The following MTUS2 variants were observed in gnomAD, a reference collection of about 807,000 sequenced individuals.
The protein encoded by MTUS2 is microtubule-associated tumor suppressor candidate 2.
In MTUS2, 40 loss-of-function variants were observed where a neutral mutation model predicts 114.1. The observed-to-expected ratio is 0.35, with a 90% CI of 0.27 to 0.46. The LOEUF (loss-of-function observed/expected upper bound fraction) is 0.46. MTUS2 is among the 20% of genes least tolerant of loss of function. The pLI is 1.00. For missense variants in MTUS2, 1,679 were observed against 1,705.4 expected, an observed-to-expected ratio of 0.98 and a Z score of 0.27; for synonymous variants, 688 against 672.0, an observed-to-expected ratio of 1.02 and a Z score of -0.37.
At chr13:29,351,614 GT>G (rs1869285525) in intron 7 of MTUS2, among the ~76,000 whole-genome samples, 1 of 147,014 alleles carries the variant, frequency 6.8e-6, no homozygotes, top group Non-Finnish European at 1.5e-5. Context: ...TTTTTTGTTT[GT>G]TTTTTTGAGA....
intron 3 of MTUS2, among the ~76,000 whole-genome samples, chr13:29,032,585 A>G (rs911285894): frequency 1.3e-5 from 2 of 152,256 alleles, no homozygotes; most frequent in South Asian, 2.1e-4. Context: ...ATAATTTGCT[A>G]TAGCCAAGGA....
At chr13:29,235,773 C>T (rs1896512438) in intron 5 of MTUS2, among the ~76,000 whole-genome samples, 1 of 152,132 alleles carries the variant, frequency 6.6e-6, no homozygotes, top group African/African-American at 2.4e-5. Context: ...TTATTTTTCT[C>T]TGTACTGTTG....
intron 4 of MTUS2, among the ~76,000 whole-genome samples, chr13:29,090,445 G>A (rs1339801621): frequency 6.6e-6 from 1 of 152,162 alleles, no homozygotes; most frequent in Non-Finnish European, 1.5e-5. Flanking sequence ...GTACACTGTA[G>A]TCAGGGGGCT....
intron 2 of MTUS2, among the ~76,000 whole-genome samples, chr13:28,994,702 T>C (rs1885015561): frequency 6.6e-6 from 1 of 152,242 alleles, no homozygotes; most frequent in Non-Finnish European, 1.5e-5. Flanking sequence ...ATGTCTTCTT[T>C]TGAGAAGTGT....
chr13:29,496,142 G>A lies in MTUS2; in HGVS notation c.3580-1096G>A, dbSNP rs1882540720. On this transcript the variant is annotated intron_variant, in intron 12 of 15. Transcript: ENST00000612955. This position sits in a 1 kb window ranked among gnomAD's most constrained non-coding sequence, Gnocchi z 4.3. The stretch of plus-strand genomic sequence containing the variant: ...CTGAGAGTCATGGCCAGAGCTGAGT[G>A]GGGCAGGGTCAGTGCAGGTGCATCT... Among the ~76,000 whole-genome samples, 1 of 152,164 alleles carries A rather than the reference G, an allele frequency of 6.6e-6. No individual in the cohort carries two copies. Among genetic ancestry groups the A allele is most frequent in the Admixed American group, 6.5e-5 (1 of 15,288 alleles).
At chr13:28,921,168 C>A (rs920605210) in intron 2 of MTUS2, among the ~76,000 whole-genome samples, 36 of 152,190 alleles carry the variant, frequency 2.4e-4, no homozygotes, top group African/African-American at 8.2e-4. Flanking sequence ...CACCTGAAGC[C>A]AGCACATCTC....
Position 29,089,400 on chromosome 13 carries a change from T to C in MTUS2, c.2447-11373T>C, listed in dbSNP as rs145677772. On this transcript the variant is annotated intron_variant, in intron 4 of 15. Transcript: ENST00000612955. ...TAACTTTAAGGTCTTTTCTTTCATATTGACCTTGGAGAATCTGATGACTAT... is the reference window on the plus strand; with the variant it reads ...TAACTTTAAGGTCTTTTCTTTCATACTGACCTTGGAGAATCTGATGACTAT... 5.2e-3 allele frequency among the ~76,000 whole-genome samples: 797 copies of C among 152,338 alleles called. 7 individuals carry two copies. The highest frequency in any genetic ancestry group is 0.018 in the African/African-American group (749 of 41,580).
At chr13:28,948,272 C>T (rs1167817516) in intron 2 of MTUS2, among the ~76,000 whole-genome samples, 3 of 151,880 alleles carry the variant, frequency 2.0e-5, no homozygotes, top group Admixed American at 6.6e-5. Flanking sequence ...CTCAGGTGGT[C>T]GATAAATGTG....
Position 29,359,452 on chromosome 13 carries a change from C to G in MTUS2, c.3096C>G (p.Ala1032=), listed in dbSNP as rs1240710057. 1.9e-6 allele frequency: 3 copies of G among 1,611,376 alleles called. No homozygotes were observed. In the African/African-American group the frequency reaches 4.0e-5, roughly 22 times the overall value. Residue 1032 remains alanine, a synonymous_variant, in exon 8 of 16, where the codon GCC becomes GCG. Coordinates refer to ENST00000612955, the MANE Select transcript of MTUS2 (RefSeq NM_001033602.4). ...AICGFDALAV[A]TQHFFRKNES... is the part of the protein sequence containing the mutation. The stretch of plus-strand genomic sequence containing the variant: ...GCGGCTTTGATGCCCTCGCCGTGGC[C>G]ACGCAGCATTTCTTTAGAAAGGTGA...
chr13:28,887,857 C>T (rs1293921212), intron 2 of MTUS2, among the ~76,000 whole-genome samples: 1 of 152,218 alleles, frequency 6.6e-6, no homozygotes, highest in East Asian at 1.9e-4. Context: ...TTCATGACAT[C>T]TAGACTGCCT....
chr13:28,903,219 A>G (rs1359108877), intron 2 of MTUS2, among the ~76,000 whole-genome samples: 1 of 151,850 alleles, frequency 6.6e-6, no homozygotes, highest in Admixed American at 6.6e-5. Context: ...GTTTTGCTGG[A>G]TAAATAATTT....
chr13:29,128,751 T>TA (rs919822518), intron 5 of MTUS2, among the ~76,000 whole-genome samples: 1 of 151,966 alleles, frequency 6.6e-6, no homozygotes, highest in Admixed American at 6.6e-5. Context: ...AATTCAAACA[T>TA]AAAAAAAATG....
At chr13:29,156,079 A>G (rs1316527562) in intron 5 of MTUS2, among the ~76,000 whole-genome samples, 1 of 152,144 alleles carries the variant, frequency 6.6e-6, no homozygotes, top group Non-Finnish European at 1.5e-5. Context: ...TGAGTAAAGC[A>G]TTAATGACTT....
chr13:29,179,680 T>C (rs1893918765), intron 5 of MTUS2, among the ~76,000 whole-genome samples: 1 of 152,230 alleles, frequency 6.6e-6, no homozygotes, highest in Non-Finnish European at 1.5e-5. Flanking sequence ...ATTTTTATTT[T>C]TATTTGAAAA....
intron 5 of MTUS2, among the ~76,000 whole-genome samples, chr13:29,156,960 T>C (rs1427464951): frequency 6.6e-6 from 1 of 152,168 alleles, no homozygotes; most frequent in Non-Finnish European, 1.5e-5. Flanking sequence ...ATATATAGTA[T>C]TGTCTTTAGA....
At chr13:29,006,718 G>A (rs1307622189) in intron 2 of MTUS2, among the ~76,000 whole-genome samples, 3 of 152,156 alleles carry the variant, frequency 2.0e-5, no homozygotes, top group African/African-American at 7.2e-5. Flanking sequence ...ATGACAGGAG[G>A]GCTGTGTCTT....
intron 5 of MTUS2, among the ~76,000 whole-genome samples, chr13:29,158,871 G>A (rs373338441): frequency 2.6e-5 from 4 of 152,114 alleles, no homozygotes; most frequent in African/African-American, 4.8e-5. Context: ...TCTGGTCTTC[G>A]GAATGTCCAG....
Position 28,852,662 on chromosome 13 carries a change from C to T in MTUS2, c.-243+12812C>T, listed in dbSNP as rs138468062. Among the ~76,000 whole-genome samples the T allele has an allele frequency of 2.1e-3, 325 of 152,142 alleles. 1 individual carries two copies. The highest frequency in any genetic ancestry group is 7.5e-3 in the African/African-American group (310 of 41,512). ...GGTGGATCACCTGAAGTCAGGAGTT[C>T]GAGATCAGCCTGGGCAACATAGTGA... On this transcript the variant is annotated intron_variant, in intron 2 of 15. Coordinates refer to ENST00000612955, the MANE Select transcript of MTUS2 (RefSeq NM_001033602.4).
In MTUS2 at chr13:29,204,114, C is replaced by T. The variant is rs995906671; in HGVS notation, c.2645-77590C>T. ...AGCTGGGACTACAGGTGCCCGCCAC[C>T]ACGCCTGGCTACTTTTTGTATTTTT... On this transcript the variant is annotated intron_variant, in intron 5 of 15. Transcript: ENST00000612955. 2.0e-5 allele frequency among the ~76,000 whole-genome samples: 3 copies of T among 152,094 alleles called. 1 individual carries two copies. The South Asian group carries it at 6.2e-4, about 32-fold the overall frequency.
Sources: allele counts gnomAD v4.1 joint callset (sites outside exome capture counted in the v4.1 genomes callset), GRCh38; gene constraint gnomAD v4.1.1; non-coding constraint Gnocchi (gnomAD v3.1); transcripts MANE v1.5; gene names NCBI Gene and HGNC (gene_info 2026-07-23, HGNC 2026-07-21).